SLC26A7: variants seen among roughly 807,000 people sequenced by gnomAD.
The protein encoded by SLC26A7 is solute carrier family 26 member 7.
A neutral mutation model predicts 82.5 loss-of-function variants in SLC26A7; 59 were observed. The observed-to-expected ratio is 0.72, with a 90% CI of 0.58 to 0.89. The LOEUF (loss-of-function observed/expected upper bound fraction) is 0.89, where lower values mean the gene tolerates loss of function less well. Ranked by LOEUF, SLC26A7 falls within the 40% of genes least tolerant of loss-of-function variation. The pLI, the probability that SLC26A7 is intolerant of heterozygous loss-of-function variation, is 0.00. For missense variants in SLC26A7, 820 were observed against 793.0 expected (o/e 1.03, Z -0.41); for synonymous variants, 271 against 274.3 (o/e 0.99, Z 0.12).
chr8:91,332,407 A>T (rs1256972538), intron 5 of SLC26A7, among the ~76,000 whole-genome samples: 4 of 143,482 alleles, frequency 2.8e-5, no homozygotes, highest in Non-Finnish European at 6.1e-5. Context: ...ATATTTAATT[A>T]TTCAATATAT....
At chr8:91,264,709 C>G (rs1339282734) in intron 2 of SLC26A7, among the ~76,000 whole-genome samples, 1 of 151,988 alleles carries the variant, frequency 6.6e-6, no homozygotes, top group Non-Finnish European at 1.5e-5. Flanking sequence ...TTTCCCAAAC[C>G]TCATTAAGTA....
chr8:91,333,091 T>A (rs972764782), intron 5 of SLC26A7, among the ~76,000 whole-genome samples: 15 of 152,148 alleles, frequency 9.9e-5, no homozygotes, highest in Non-Finnish European at 1.6e-4. Context: ...TTCTTTAAAA[T>A]CTCACCCTAT....
intron 4 of SLC26A7, among the ~76,000 whole-genome samples, chr8:91,312,825 G>T (rs1812528356): frequency 6.6e-6 from 1 of 152,022 alleles, no homozygotes; most frequent in South Asian, 2.1e-4. Flanking sequence ...CACATCCTTT[G>T]CCCGTTTTTG....
Position 91,395,110 on chromosome 8 carries a change from A to G in SLC26A7, c.*13A>G. On this transcript the variant is annotated 3_prime_UTR_variant, in exon 19 of 19. Coordinates refer to ENST00000276609, the MANE Select transcript of SLC26A7 (RefSeq NM_052832.4). ...CAGTGAAGTCTGAGACCCTTTTGTC[A>G]CAGTACAGCTCTTGTCTTTACCAAC... is the stretch of plus-strand genomic sequence containing the variant. 1.9e-6 allele frequency: 3 copies of G among 1,613,352 alleles called. No individual in the cohort carries two copies. The highest frequency in any genetic ancestry group is 2.5e-6 in the Non-Finnish European group (3 of 1,179,382).
At chr8:91,254,815 A>G (rs1292005730) in intron 2 of SLC26A7, among the ~76,000 whole-genome samples, 3 of 152,150 alleles carry the variant, frequency 2.0e-5, no homozygotes, top group African/African-American at 7.2e-5. Context: ...CTCATTAGTA[A>G]CATCATGTAA....
At chr8:91,284,647 T>A (rs556741565) in intron 2 of SLC26A7, among the ~76,000 whole-genome samples, 1 of 152,274 alleles carries the variant, frequency 6.6e-6, no homozygotes, top group East Asian at 1.9e-4. Context: ...ATAGCAGAGA[T>A]TGGATGAAAC....
intron 2 of SLC26A7, among the ~76,000 whole-genome samples, chr8:91,225,457 C>G (rs1430141760): frequency 3.3e-5 from 5 of 151,878 alleles, no homozygotes; most frequent in African/African-American, 9.7e-5. Context: ...TGCTGCAGCA[C>G]ACTGCTCTTC....
rs997461679 is a variant in SLC26A7 at position 91,318,257 on chromosome 8, G to C, written c.519G>C (p.Val173=). 6.2e-7 allele frequency: 1 copy of C among 1,606,402 alleles called. No individual in the cohort carries two copies. The highest frequency in any genetic ancestry group is 8.5e-7 in the Non-Finnish European group (1 of 1,176,054). The change falls in exon 5 of 19, where the codon GTG becomes GTC. Residue 173 remains valine (V), a synonymous_variant. Transcript: ENST00000276609. ...TGCAACTGGGCAGTGCCACATTTGT[G>C]GTCACAGAGCCTGTGATCAGCGCAA... ...FVLQLGSATF[V]VTEPVISAMT... is the part of the protein sequence containing the mutation.
intron 2 of SLC26A7, among the ~76,000 whole-genome samples, chr8:91,287,051 C>T (rs962935036): frequency 3.3e-5 from 5 of 152,022 alleles, no homozygotes; most frequent in Non-Finnish European, 7.4e-5. Context: ...AATGGGTTTC[C>T]ATTGAGGGCG....
intron 4 of SLC26A7, among the ~76,000 whole-genome samples, chr8:91,303,614 C>G (rs1812225839): frequency 6.6e-6 from 1 of 152,036 alleles, no homozygotes; most frequent in Non-Finnish European, 1.5e-5. Context: ...AGTGACAAAG[C>G]CTTGTATTAT....
At chr8:91,363,941 G>GTT (rs5893169) in intron 13 of SLC26A7, among the ~76,000 whole-genome samples, 10 of 135,694 alleles carry the variant, frequency 7.4e-5, no homozygotes, top group East Asian at 2.3e-4. Context: ...TCATGGTATT[G>GTT]TTTTTTTTTT....
chr8:91,261,399 G>T (rs1810961292), intron 2 of SLC26A7, among the ~76,000 whole-genome samples: 1 of 152,000 alleles, frequency 6.6e-6, no homozygotes, highest in Non-Finnish European at 1.5e-5. Context: ...GGTATTTAAG[G>T]GTGGGAACAT....
intron 15 of SLC26A7, among the ~76,000 whole-genome samples, chr8:91,378,192 A>G (rs1814569304): frequency 6.6e-6 from 1 of 151,852 alleles, no homozygotes; most frequent in East Asian, 1.9e-4. Flanking sequence ...GGAGCAAACA[A>G]GGGAGGGAGA....
Position 91,357,792 on chromosome 8 carries a change from C to A in SLC26A7, c.1315-4561C>A, listed in dbSNP as rs182402303. Among the ~76,000 whole-genome samples the A allele has an allele frequency of 3.4e-3, 515 of 152,226 alleles. 9 individuals are homozygous for A. Among genetic ancestry groups the A allele is most frequent in the African/African-American group, 0.012 (490 of 41,546 alleles). ...ACTAAACTAAAGAGCTTCTGCACAGCAAAAGAAACTACCATCAGAGTGAAC... is the reference window on the plus strand; with the variant it reads ...ACTAAACTAAAGAGCTTCTGCACAGAAAAAGAAACTACCATCAGAGTGAAC... On this transcript the variant is annotated intron_variant, in intron 11 of 18. Coordinates refer to ENST00000276609, the MANE Select transcript of SLC26A7 (RefSeq NM_052832.4).
At chr8:91,247,524 C>T (rs63648163), upstream of SLC26A7, among the ~76,000 whole-genome samples, 6 of 131,478 alleles carry the variant, frequency 4.6e-5, no homozygotes, top group Admixed American at 3.7e-4. Flanking sequence ...TGAAAAAAAA[C>T]ATCTGGAATT....
chr8:91,234,827 A>ACCTACTTCCTTCCTTCCTTCCTTCCTTC (rs1386380375), intron 2 of SLC26A7, among the ~76,000 whole-genome samples: 92 of 92,526 alleles, frequency 9.9e-4, no homozygotes, highest in East Asian at 2.8e-3. Flanking sequence ...CTACCTACCT[A>ACCTACTTCCTTCCTTCCTTCCTTCCTTC]CTTCCTTCCT....
chr8:91,348,061 T>G lies in SLC26A7; in HGVS notation c.1141-3749T>G, dbSNP rs1202003285. 2.0e-5 allele frequency among the ~76,000 whole-genome samples: 3 copies of G among 152,102 alleles called. No homozygotes were observed. The East Asian group carries it at 5.8e-4, about 29-fold the overall frequency. ...AGGAGGGATGAGAGACTGTGTCTGC[T>G]GCACAGGCAGCTCAGCCACAACTGA... On this transcript the variant is annotated intron_variant, in intron 9 of 18. Coordinates refer to ENST00000276609, the MANE Select transcript of SLC26A7 (RefSeq NM_052832.4).
intron 9 of SLC26A7, among the ~76,000 whole-genome samples, chr8:91,349,300 T>C (rs1309489514): frequency 6.6e-6 from 1 of 152,226 alleles, no homozygotes; most frequent in Non-Finnish European, 1.5e-5. Flanking sequence ...ACAAATAGTC[T>C]TTTTCACCCA....
chr8:91,379,349 C>G (rs1814606847), intron 15 of SLC26A7, among the ~76,000 whole-genome samples: 1 of 151,728 alleles, frequency 6.6e-6, no homozygotes, highest in African/African-American at 2.4e-5. Context: ...TGCAAATGGC[C>G]AAGAATAGTC....
Sources: allele counts gnomAD v4.1 joint callset (sites outside exome capture counted in the v4.1 genomes callset), GRCh38; gene constraint gnomAD v4.1.1; transcripts MANE v1.5; gene names NCBI Gene and HGNC (gene_info 2026-07-23, HGNC 2026-07-21).